Variants in ATF7 observed in about 807,000 individuals in gnomAD.
The protein encoded by ATF7 is activating transcription factor 7.
A neutral mutation model predicts 50.4 loss-of-function variants in ATF7; 10 were observed. The observed-to-expected ratio is 0.20, with a 90% CI of 0.12 to 0.34. ATF7 has a LOEUF of 0.34. ATF7 is among the 10% of genes least tolerant of loss of function. The probability of loss-of-function intolerance (pLI) is 1.00; values close to 1 mark genes in which losing one functional copy is unlikely to be tolerated. For synonymous variants in ATF7, 201 were observed against 226.4 expected (o/e 0.89, Z 1.01); for missense variants, 465 against 613.9 (o/e 0.76, Z 2.56).
chr12:53,533,209 G>A lies in ATF7; in HGVS notation c.611C>T (p.Thr204Ile), dbSNP rs1939010674. 1 of 1,613,930 alleles carries A rather than the reference G, an allele frequency of 6.2e-7. No individual in the cohort carries two copies. Among genetic ancestry groups the A allele is most frequent in the Non-Finnish European group, 8.5e-7 (1 of 1,179,824 alleles). ...PLVMHLANGQTMPVLPGPPVQ... is the reference protein window; with the variant it reads ...PLVMHLANGQIMPVLPGPPVQ... ...TGGAGGCCCTGGCAACACAGGCATG[G>A]TCTGTCCATTAGCAAGATGCATGAC... Residue 204 changes from threonine to isoleucine, a missense_variant, in exon 7 of 12, where the codon ACC becomes ATC. Physicochemically the swap from Thr to Ile is moderately conservative, Grantham distance 89 (BLOSUM62 -1). Coordinates refer to ENST00000420353, the MANE Select transcript of ATF7 (RefSeq NM_006856.3).
intron 2 of ATF7, among the ~76,000 whole-genome samples, chr12:53,581,095 G>C (rs1318201481): frequency 6.6e-6 from 1 of 150,544 alleles, no homozygotes; most frequent in Non-Finnish European, 1.5e-5. Context: ...CTGGGCGACA[G>C]AGCAAGATTC....
chr12:53,575,625 T>C (rs374685498), intron 2 of ATF7: 3 of 151,796 alleles, frequency 2.0e-5, no homozygotes, highest in African/African-American at 7.3e-5. Context: ...CTCCAAGCAT[T>C]AGTTTTTCAT....
downstream of ATF7, among the ~76,000 whole-genome samples, chr12:53,510,093 G>A (rs1256212820): frequency 6.6e-6 from 1 of 150,830 alleles, no homozygotes; most frequent in African/African-American, 2.4e-5. Context: ...AGGCTGGAGT[G>A]CAATGGCTTG....
chr12:53,532,848 GT>G (rs1230568129), intron 7 of ATF7, among the ~76,000 whole-genome samples: 2 of 152,158 alleles, frequency 1.3e-5, no homozygotes, highest in African/African-American at 4.8e-5. Context: ...TGTGGGAAGG[GT>G]TGGGGCTGTT....
At chr12:53,540,511 C>T (rs558010101) in intron 4 of ATF7, among the ~76,000 whole-genome samples, 3 of 151,868 alleles carry the variant, frequency 2.0e-5, no homozygotes, top group Admixed American at 2.0e-4. Flanking sequence ...ATTGCTTGAG[C>T]TCAGGAGTTT....
At chr12:53,621,720 C>T (rs1420397776) in intron 1 of ATF7, among the ~76,000 whole-genome samples, 1 of 139,216 alleles carries the variant, frequency 7.2e-6, no homozygotes, top group Non-Finnish European at 1.5e-5. Flanking sequence ...ACCCGGGAGG[C>T]GGAGGTTGCA....
At chr12:53,579,151 C>T (rs1359801100) in intron 2 of ATF7, among the ~76,000 whole-genome samples, 2 of 151,774 alleles carry the variant, frequency 1.3e-5, no homozygotes, top group Non-Finnish European at 2.9e-5. Flanking sequence ...GGCTGAGGCA[C>T]AAGAATCACT....
intron 5 of ATF7, among the ~76,000 whole-genome samples, chr12:53,535,304 T>TG (rs1306926728): frequency 2.0e-4 from 27 of 134,434 alleles, no homozygotes; most frequent in African/African-American, 8.1e-4. Context: ...CACTCCAGCC[T>TG]GGCGACAGAG....
chr12:53,599,205 T>A (rs1450042307), intron 2 of ATF7, among the ~76,000 whole-genome samples: 2 of 151,858 alleles, frequency 1.3e-5, no homozygotes, highest in East Asian at 1.9e-4. Context: ...GGCTAATTTT[T>A]AAATTTTTTT....
At chr12:53,584,365 T>C (rs113256081) in intron 2 of ATF7, among the ~76,000 whole-genome samples, 5,999 of 152,218 alleles carry the variant, frequency 0.039, 361 homozygotes, top group African/African-American at 0.13. Context: ...ACTGACAACA[T>C]TAAATGTTGA....
At chr12:53,599,206 A>T (rs1247110512) in intron 2 of ATF7, among the ~76,000 whole-genome samples, 1 of 151,718 alleles carries the variant, frequency 6.6e-6, no homozygotes, top group Non-Finnish European at 1.5e-5. Context: ...GCTAATTTTT[A>T]AATTTTTTTT....
rs1937680421 is a variant in ATF7, at chr12:53,516,020, C to T, written c.*1117G>A. 1.3e-5 allele frequency: 2 copies of T among 152,144 alleles called. No individual in the cohort carries two copies. Among genetic ancestry groups the T allele is most frequent in the African/African-American group, 4.8e-5 (2 of 41,414 alleles). 9.4% of individuals were successfully genotyped at this position (152,144 alleles called of 1,614,324 possible). A position where few individuals can be genotyped will look rare whatever the true frequency, so the allele number is the denominator to read the frequency against. On this transcript the variant is annotated 3_prime_UTR_variant, in exon 12 of 12. Coordinates refer to ENST00000420353, the MANE Select transcript of ATF7 (RefSeq NM_006856.3). ...AACAAAGGAACTCGAGAGTCCCCTA[C>T]ATGACAGCCTCCAGGAGGGCTGAGT... is the stretch of plus-strand genomic sequence containing the variant.
At chr12:53,572,092 A>G (rs1941797990) in intron 2 of ATF7, among the ~76,000 whole-genome samples, 1 of 152,092 alleles carries the variant, frequency 6.6e-6, no homozygotes, top group South Asian at 2.1e-4. Flanking sequence ...AAAGTGTTTT[A>G]AGTTGCAATG....
intron 1 of ATF7, among the ~76,000 whole-genome samples, chr12:53,616,945 CAAAA>C (rs548267926): frequency 1.2e-5 from 1 of 80,172 alleles, no homozygotes. Flanking sequence ...ACTCTGTCTC[CAAAA>C]AAAAAAAAAA....
chr12:53,531,895 C>A lies in ATF7; in HGVS notation c.776G>T (p.Arg259Ile). Residue 259 changes from arginine (R) to isoleucine (I), a missense_variant and splice_region_variant, in exon 9 of 12, where the codon AGA becomes ATA. Arg to Ile is a moderately conservative substitution (Grantham distance 97). Coordinates refer to ENST00000420353, the MANE Select transcript of ATF7 (RefSeq NM_006856.3). ...GHPIPSEAKM[R>I]LKATLTHQVS... Reference sequence around the variant, plus strand: ...TTGGTGAGTTAGGGTGGCTTTCAGTCTCTGTGGGCAAAGATAAGAAAAAAT... The same window carrying A: ...TTGGTGAGTTAGGGTGGCTTTCAGTATCTGTGGGCAAAGATAAGAAAAAAT... 3 of 1,613,374 alleles carry A rather than the reference C, an allele frequency of 1.9e-6. No individual in the cohort carries two copies. In the South Asian group the frequency reaches 3.3e-5, roughly 18 times the overall value.
chr12:53,531,265 A>G (rs780076950), intron 9 of ATF7, among the ~76,000 whole-genome samples: 8 of 151,982 alleles, frequency 5.3e-5, no homozygotes, highest in Non-Finnish European at 2.9e-5. Flanking sequence ...TACTAAAAAT[A>G]CAAAAAATTA....
intron 2 of ATF7, among the ~76,000 whole-genome samples, chr12:53,564,994 A>G (rs992504973): frequency 1.3e-5 from 2 of 151,166 alleles, no homozygotes; most frequent in Admixed American, 6.6e-5. Flanking sequence ...AAGATTGTAC[A>G]CCTCTGTTTT....
At chr12:53,533,639 T>G (rs977790676) in intron 6 of ATF7, among the ~76,000 whole-genome samples, 4 of 152,180 alleles carry the variant, frequency 2.6e-5, no homozygotes, top group African/African-American at 9.7e-5. Flanking sequence ...ATGTTTCTCT[T>G]GTTTCTTTCC....
intron 2 of ATF7, chr12:53,574,727 A>C (rs1490335145): frequency 6.1e-6 from 1 of 164,744 alleles, no homozygotes; most frequent in Non-Finnish European, 1.3e-5. Context: ...GGCAGACTTC[A>C]AGGGTTGTCT....
Sources: allele counts gnomAD v4.1 joint callset (sites outside exome capture counted in the v4.1 genomes callset), GRCh38; gene constraint gnomAD v4.1.1; transcripts MANE v1.5; gene names NCBI Gene and HGNC (gene_info 2026-07-23, HGNC 2026-07-21).